FAM171A1: variants seen among roughly 807,000 people sequenced by gnomAD.
FAM171A1 encodes protein FAM171A1.
In FAM171A1, 23 loss-of-function variants were observed where a neutral mutation model predicts 74.9. That is an observed-to-expected ratio of 0.31 (90% confidence interval 0.22 to 0.44). FAM171A1 has a LOEUF of 0.44. Among genes scored for constraint, FAM171A1 ranks in the 20% least tolerant of loss-of-function variants. The probability of loss-of-function intolerance (pLI) is 1.00; values close to 1 mark genes in which losing one functional copy is unlikely to be tolerated. For synonymous variants in FAM171A1, 527 were observed against 505.7 expected, an observed-to-expected ratio of 1.04 and a Z score of -0.57; for missense variants, 1,162 against 1,159.2, an observed-to-expected ratio of 1.00 and a Z score of -0.03.
At chr10:15,268,711 C>T (rs1834781009) in intron 3 of FAM171A1, among the ~76,000 whole-genome samples, 1 of 152,112 alleles carries the variant, frequency 6.6e-6, no homozygotes, top group Non-Finnish European at 1.5e-5. Flanking sequence ...GGGCCCAGCA[C>T]AGGCACTGGA....
intron 5 of FAM171A1, among the ~76,000 whole-genome samples, chr10:15,225,543 T>G (rs1378120211): frequency 6.6e-6 from 1 of 152,212 alleles, no homozygotes; most frequent in Non-Finnish European, 1.5e-5. Context: ...AAACACATGC[T>G]TCTCATGGCG....
intron 1 of FAM171A1, among the ~76,000 whole-genome samples, chr10:15,314,151 G>C (rs555450514): frequency 6.6e-6 from 1 of 152,252 alleles, no homozygotes; most frequent in South Asian, 2.1e-4. Context: ...AGGATAAACC[G>C]TCACCCTACA....
At chr10:15,282,901 G>A (rs1463922512) in intron 2 of FAM171A1, among the ~76,000 whole-genome samples, 1 of 152,080 alleles carries the variant, frequency 6.6e-6, no homozygotes, top group Non-Finnish European at 1.5e-5. Context: ...CCCTCTGCTG[G>A]AGATAATAGT....
chr10:15,299,637 T>C (rs1394787418), intron 1 of FAM171A1, among the ~76,000 whole-genome samples: 1 of 152,010 alleles, frequency 6.6e-6, no homozygotes, highest in East Asian at 1.9e-4. Context: ...TAGAAAGTGC[T>C]ACGTGGGAGC....
upstream of FAM171A1, among the ~76,000 whole-genome samples, chr10:15,372,698 C>CA (rs59712649): frequency 0.33 from 29,232 of 88,648 alleles, 5,359 homozygotes; most frequent in Middle Eastern, 0.44. Context: ...GACCCCGTCT[C>CA]AAAAAAAAAA....
chr10:15,327,857 A>T (rs1835574785), intron 1 of FAM171A1, among the ~76,000 whole-genome samples: 2 of 151,762 alleles, frequency 1.3e-5, no homozygotes, highest in South Asian at 4.2e-4. Context: ...TTATCTGCAC[A>T]CTAAACCCTA....
intron 2 of FAM171A1, among the ~76,000 whole-genome samples, chr10:15,277,042 G>C (rs1488882988): frequency 2.6e-5 from 4 of 152,120 alleles, no homozygotes; most frequent in Admixed American, 2.6e-4. Flanking sequence ...AAAAATTTTA[G>C]AAACCCCACA....
At position 15,318,232 on chromosome 10, in the gene FAM171A1, G is replaced by A. The variant is rs1048860110; in HGVS notation, c.98-34127C>T. On this transcript the variant is annotated intron_variant, in intron 1 of 7. Coordinates refer to ENST00000378116, the MANE Select transcript of FAM171A1 (RefSeq NM_001010924.2). Reference sequence around the variant, plus strand: ...GGTGTAAGGAAGAATAGCAGGAGCCGGAAATTTTTCAGGAGCCAGAGATTC... The same window carrying A: ...GGTGTAAGGAAGAATAGCAGGAGCCAGAAATTTTTCAGGAGCCAGAGATTC... Among the ~76,000 whole-genome samples, 9 of 152,160 alleles carry A rather than the reference G, an allele frequency of 5.9e-5. No individual in the cohort carries two copies. The East Asian group carries it at 1.2e-3, about 20-fold the overall frequency.
At chr10:15,232,081 A>C (rs1834214291) in intron 5 of FAM171A1, among the ~76,000 whole-genome samples, 1 of 152,162 alleles carries the variant, frequency 6.6e-6, no homozygotes, top group African/African-American at 2.4e-5. Flanking sequence ...TGACAAAGTG[A>C]GATCATGTCA....
chr10:15,261,944 T>C (rs1009600160), intron 3 of FAM171A1, among the ~76,000 whole-genome samples: 2 of 151,948 alleles, frequency 1.3e-5, no homozygotes, highest in African/African-American at 2.4e-5. Context: ...ATAGACCCCA[T>C]CTCTACAAAA....
At chr10:15,270,211 C>T (rs371880539) in intron 3 of FAM171A1, among the ~76,000 whole-genome samples, 18 of 152,178 alleles carry the variant, frequency 1.2e-4, no homozygotes, top group South Asian at 6.2e-4. Flanking sequence ...TCTTAGCAAA[C>T]GGCACACCAG....
At chr10:15,254,558 G>C (rs548204693) in intron 4 of FAM171A1, among the ~76,000 whole-genome samples, 163 bp downstream of exon 4, 1 of 152,168 alleles carries the variant, frequency 6.6e-6, no homozygotes, top group African/African-American at 2.4e-5. Context: ...TCGTACCGAC[G>C]TAACACAGTT....
chr10:15,341,698 A>C (rs6602842), intron 1 of FAM171A1, among the ~76,000 whole-genome samples: 149,366 of 152,308 alleles, frequency 0.98, 73,297 homozygotes, highest in Middle Eastern at 1. Context: ...AAGTTATCAG[A>C]GAGTATGCAG....
intron 1 of FAM171A1, among the ~76,000 whole-genome samples, chr10:15,338,588 C>T (rs1835729703): frequency 6.6e-6 from 1 of 152,164 alleles, no homozygotes; most frequent in African/African-American, 2.4e-5. Flanking sequence ...AATATAGTCT[C>T]ATAGTATTAA....
At chr10:15,273,745 A>C (rs1405795544) in intron 3 of FAM171A1, among the ~76,000 whole-genome samples, 1 of 152,218 alleles carries the variant, frequency 6.6e-6, no homozygotes, top group African/African-American at 2.4e-5. Flanking sequence ...CAAATCAATA[A>C]ATGTAATCCA....
At chr10:15,274,135 C>G (rs1834863260) in intron 3 of FAM171A1, among the ~76,000 whole-genome samples, 1 of 152,152 alleles carries the variant, frequency 6.6e-6, no homozygotes, top group Non-Finnish European at 1.5e-5. Context: ...CTTAGAAAAC[C>G]CCATCGTCTC....
At position 15,214,597 on chromosome 10, in the gene FAM171A1, T is replaced by C. The variant is rs1257106258; in HGVS notation, c.991A>G (p.Lys331Glu). The change falls in exon 8 of 8, where the codon AAG (lysine) becomes GAG (glutamate). Residue 331 changes from lysine (K) to glutamate (E), a missense_variant. Physicochemically the swap from Lys to Glu is moderately conservative, Grantham distance 56 (BLOSUM62 1). Transcript: ENST00000378116. ...TGGTGCTGACGAGGTTTCAAGCACT[T>C]CCTCCTGCGCCCAAAGACACAATCC... is the stretch of plus-strand genomic sequence containing the variant. Reference protein sequence around the residue: ...LCLLLYYCRRKCLKPRQHHRK... With the variant: ...LCLLLYYCRRECLKPRQHHRK... The C allele has an allele frequency of 3.2e-6, 5 of 1,584,136 alleles. No homozygotes were observed. In the South Asian group the frequency reaches 5.8e-5, roughly 18 times the overall value.
Position 15,220,890 on chromosome 10 carries a change from C to T in FAM171A1, c.871+54G>A, listed in dbSNP as rs188587522. On this transcript the variant is annotated intron_variant, in intron 6 of 7. Coordinates refer to ENST00000378116, the MANE Select transcript of FAM171A1 (RefSeq NM_001010924.2). ...TTCAAGAGCATACTTAGCCTGAACC[C>T]TCAAAGACCAAAGCAACTGATCCGC... The T allele has an allele frequency of 1.4e-4, 197 of 1,389,772 alleles. 1 individual carries two copies. The African/African-American group carries it at 2.5e-3, about 18-fold the overall frequency. 86.1% of individuals were successfully genotyped at this position (1,389,772 alleles called of 1,614,324 possible). A position where few individuals can be genotyped will look rare whatever the true frequency, so the allele number is the denominator to read the frequency against.
chr10:15,368,752 A>G (rs1011228108), intron 1 of FAM171A1, among the ~76,000 whole-genome samples: 10 of 152,252 alleles, frequency 6.6e-5, no homozygotes, highest in African/African-American at 2.2e-4. Context: ...CATCGTGTAC[A>G]TGATCCAGGA....
Sources: allele counts gnomAD v4.1 joint callset (sites outside exome capture counted in the v4.1 genomes callset), GRCh38; gene constraint gnomAD v4.1.1; transcripts MANE v1.5; gene names NCBI Gene and HGNC (gene_info 2026-07-23, HGNC 2026-07-21).